CNTNAP2: variants seen among roughly 807,000 people sequenced by gnomAD.
CNTNAP2 encodes the protein contactin-associated protein-like 2.
A neutral mutation model predicts 155.2 loss-of-function variants in CNTNAP2; 98 were observed. That is an observed-to-expected ratio of 0.63 (90% confidence interval 0.54 to 0.75). The LOEUF (loss-of-function observed/expected upper bound fraction) is 0.75. CNTNAP2 is among the 30% of genes least tolerant of loss of function. The probability of loss-of-function intolerance (pLI) is 0.00; values close to 1 mark genes in which losing one functional copy is unlikely to be tolerated. For missense variants in CNTNAP2, 1,727 were observed against 1,688.1 expected (o/e 1.02, Z -0.40); for synonymous variants, 651 against 631.2 (o/e 1.03, Z -0.47).
intron 12 of CNTNAP2, among the ~76,000 whole-genome samples, chr7:147,608,843 A>G (rs1801124966): frequency 6.6e-6 from 1 of 151,952 alleles, no homozygotes; most frequent in South Asian, 2.1e-4. Flanking sequence ...GGGCCGTTTT[A>G]TAGGATTTGG....
At chr7:146,384,473 T>C (rs531929522) in intron 1 of CNTNAP2, among the ~76,000 whole-genome samples, 8 of 152,320 alleles carry the variant, frequency 5.3e-5, no homozygotes, top group African/African-American at 1.9e-4. Flanking sequence ...AATAGAATTG[T>C]ATGTTATAAT....
intron 18 of CNTNAP2, among the ~76,000 whole-genome samples, chr7:148,199,355 G>T (rs1289054790): frequency 2.0e-5 from 3 of 152,152 alleles, no homozygotes; most frequent in Non-Finnish European, 4.4e-5. Context: ...GGCTTATATT[G>T]TTTTATTCTA....
rs115021796 is a variant in CNTNAP2 at position 148,166,382 on chromosome 7, G to A, written c.2774-5860G>A. On this transcript the variant is annotated intron_variant, in intron 17 of 23. Transcript: ENST00000361727. ...AATAAATTAGATTTTATGTGTGTGG[G>A]CTTTAGTGTGATTCCTTCTATGGTG... Among the ~76,000 whole-genome samples the A allele has an allele frequency of 7.3e-3, 1,113 of 152,152 alleles. 18 individuals carry two copies. Among genetic ancestry groups the A allele is most frequent in the African/African-American group, 0.026 (1,074 of 41,504 alleles).
chr7:147,985,234 A>T (rs1801597340), intron 15 of CNTNAP2, among the ~76,000 whole-genome samples: 1 of 151,734 alleles, frequency 6.6e-6, no homozygotes, highest in Admixed American at 6.6e-5. Flanking sequence ...CTCCACTCCC[A>T]TAATCTATTT....
At chr7:146,967,900 G>C (rs1276299886) in intron 3 of CNTNAP2, among the ~76,000 whole-genome samples, 1 of 151,852 alleles carries the variant, frequency 6.6e-6, no homozygotes, top group Non-Finnish European at 1.5e-5. Flanking sequence ...TTTTCAAAGG[G>C]AGTGCTTCCA....
At chr7:146,355,368 A>T (rs1794983206) in intron 1 of CNTNAP2, among the ~76,000 whole-genome samples, 1 of 152,182 alleles carries the variant, frequency 6.6e-6, no homozygotes, top group Non-Finnish European at 1.5e-5. Context: ...ATTTAACAGC[A>T]TGGGGTTCCA....
At position 147,455,270 on chromosome 7, in the gene CNTNAP2, C is replaced by A. The variant is rs541381462; in HGVS notation, c.1671-30665C>A. Among the ~76,000 whole-genome samples, 5 of 152,176 alleles carry A rather than the reference C, an allele frequency of 3.3e-5. No individual in the cohort carries two copies. The South Asian group carries it at 8.3e-4, about 25-fold the overall frequency. On this transcript the variant is annotated intron_variant, in intron 10 of 23. Transcript: ENST00000361727. ...TCTGAAATCAGGAATTAGTGATATA[C>A]AACAGTAATTTCCACATCTATGTTT...
intron 12 of CNTNAP2, among the ~76,000 whole-genome samples, chr7:147,572,385 C>A (rs1321325534): frequency 6.6e-6 from 1 of 152,088 alleles, no homozygotes; most frequent in Non-Finnish European, 1.5e-5. Flanking sequence ...TACAAGACCC[C>A]AGGTGAAATC....
intron 1 of CNTNAP2, among the ~76,000 whole-genome samples, chr7:146,332,941 ATTTTTTTTTTT>A (rs4016094): frequency 9.8e-6 from 1 of 102,456 alleles, no homozygotes; most frequent in Non-Finnish European, 2.0e-5. Context: ...TTCTTCTTCT[ATTTTTTTTTTT>A]TTTTTTTTTT....
intron 9 of CNTNAP2, among the ~76,000 whole-genome samples, chr7:147,395,206 A>G (rs1796792890): frequency 6.6e-6 from 1 of 152,156 alleles, no homozygotes; most frequent in African/African-American, 2.4e-5. Flanking sequence ...TCAAAGAAAC[A>G]AGAAGAAGAA....
chr7:146,806,705 T>C (rs186677694), intron 2 of CNTNAP2, among the ~76,000 whole-genome samples: 1 of 152,296 alleles, frequency 6.6e-6, no homozygotes, highest in Non-Finnish European at 1.5e-5. Context: ...TATTCTGCCA[T>C]GAAAAGTAAG....
chr7:148,088,673 G>A (rs1330181029), intron 15 of CNTNAP2, among the ~76,000 whole-genome samples: 1 of 151,760 alleles, frequency 6.6e-6, no homozygotes, highest in Non-Finnish European at 1.5e-5. Context: ...TCAATAAAAA[G>A]CCTCCTATCA....
chr7:146,273,422 C>T (rs1800115906), intron 1 of CNTNAP2, among the ~76,000 whole-genome samples: 1 of 152,092 alleles, frequency 6.6e-6, no homozygotes, highest in Admixed American at 6.6e-5. Flanking sequence ...AGTATTTCGG[C>T]TCTGTAAGCC....
chr7:147,845,013 AT>A (rs1355547991), intron 13 of CNTNAP2, among the ~76,000 whole-genome samples: 1 of 128,822 alleles, frequency 7.8e-6, no homozygotes, highest in Non-Finnish European at 1.7e-5. Context: ...TTTATTGAGG[AT>A]TTTTGCATCA....
intron 12 of CNTNAP2, among the ~76,000 whole-genome samples, chr7:147,606,480 C>T (rs934077040): frequency 6.6e-6 from 1 of 152,214 alleles, no homozygotes; most frequent in Non-Finnish European, 1.5e-5. Context: ...ATTAAACTAT[C>T]TATGTCTATT....
At chr7:147,651,468 C>A (rs1795449692) in intron 13 of CNTNAP2, among the ~76,000 whole-genome samples, 2 of 152,196 alleles carry the variant, frequency 1.3e-5, no homozygotes, top group Admixed American at 1.3e-4. Flanking sequence ...CCATCACAGT[C>A]AACAAAGATG....
intron 15 of CNTNAP2, among the ~76,000 whole-genome samples, chr7:148,034,272 T>C (rs1802533230): frequency 6.6e-6 from 1 of 152,182 alleles, no homozygotes; most frequent in Non-Finnish European, 1.5e-5. Context: ...AATCACCCAG[T>C]CTTACGTCCT....
intron 18 of CNTNAP2, among the ~76,000 whole-genome samples, chr7:148,208,432 T>G: frequency 6.6e-6 from 1 of 151,450 alleles, no homozygotes; most frequent in African/African-American, 2.4e-5. Context: ...TCCTGATGAG[T>G]GAGTATAGAG....
chr7:147,424,797 T>C (rs1797352221), intron 10 of CNTNAP2, among the ~76,000 whole-genome samples: 1 of 152,182 alleles, frequency 6.6e-6, no homozygotes, highest in Admixed American at 6.6e-5. Context: ...TCCATGCAAG[T>C]AAATGTCAAC....
Sources: allele counts gnomAD v4.1 joint callset (sites outside exome capture counted in the v4.1 genomes callset), GRCh38; gene constraint gnomAD v4.1.1; transcripts MANE v1.5; gene names NCBI Gene and HGNC (gene_info 2026-07-23, HGNC 2026-07-21).